The following USP34 variants were observed in gnomAD, a reference collection of about 807,000 sequenced individuals.
USP34 encodes the protein ubiquitin specific peptidase 34, also known as ubiquitin carboxyl-terminal hydrolase 34.
In USP34, 70 loss-of-function variants were observed where a neutral mutation model predicts 460.3. The observed-to-expected ratio is 0.15, with a 90% CI of 0.13 to 0.19. The LOEUF (loss-of-function observed/expected upper bound fraction) is 0.19, where lower values mean the gene tolerates loss of function less well. Ranked by LOEUF, USP34 falls within the 10% of genes least tolerant of loss-of-function variation. The pLI, the probability that USP34 is intolerant of heterozygous loss-of-function variation, is 1.00. For synonymous variants in USP34, 1,647 were observed against 1,405.3 expected (o/e 1.17, Z -3.85); for missense variants, 3,985 against 4,236.2 (o/e 0.94, Z 1.65).
At chr2:61,430,314 G>C (rs922843653) in intron 1 of USP34, among the ~76,000 whole-genome samples, 2 of 152,140 alleles carry the variant, frequency 1.3e-5, no homozygotes, top group African/African-American at 2.4e-5. Flanking sequence ...TGAGGCAGGA[G>C]AATCACTTGA....
At chr2:61,321,465 C>T (rs1004588607) in intron 21 of USP34, among the ~76,000 whole-genome samples, 2 of 152,108 alleles carry the variant, frequency 1.3e-5, no homozygotes, top group East Asian at 1.9e-4. Context: ...AGTAAGACTC[C>T]GTCTCAAAAC....
chr2:61,257,387 A>C, intron 44 of USP34, 37 bp from the exon 45 acceptor site: 1 of 1,513,550 alleles, frequency 6.6e-7, no homozygotes, highest in Non-Finnish European at 8.8e-7. Context: ...AGTGTCAGAT[A>C]AAAATAAGAA....
chr2:61,201,211 G>GTTTTTT (rs59199472), intron 75 of USP34, among the ~76,000 whole-genome samples: 9 of 101,394 alleles, frequency 8.9e-5, no homozygotes, highest in East Asian at 3.0e-4. Flanking sequence ...CTCATAGAAA[G>GTTTTTT]TTTTTTTTTT....
intron 2 of USP34, among the ~76,000 whole-genome samples, chr2:61,420,029 T>A (rs1452420298): frequency 6.6e-6 from 1 of 152,206 alleles, no homozygotes; most frequent in Non-Finnish European, 1.5e-5. Context: ...GTTAAACTAC[T>A]CAGCTAAACT....
At chr2:61,238,143 G>A (rs1264657720) in intron 53 of USP34, among the ~76,000 whole-genome samples, 1 of 151,870 alleles carries the variant, frequency 6.6e-6, no homozygotes, top group East Asian at 1.9e-4. Context: ...TGATCCACCT[G>A]CCTCAGCCTC....
At chr2:61,465,837 C>A (rs1041205532) in intron 1 of USP34, among the ~76,000 whole-genome samples, 3 of 151,838 alleles carry the variant, frequency 2.0e-5, no homozygotes, top group Non-Finnish European at 4.4e-5. Flanking sequence ...ATTAGCCGGG[C>A]GTGGTAGCGG....
intron 69 of USP34, 29 bp downstream of exon 69, chr2:61,211,743 A>G (rs1687278002): frequency 1.3e-6 from 2 of 1,535,872 alleles, no homozygotes; most frequent in Middle Eastern, 1.8e-4. Context: ...CTGGAAATAA[A>G]CAAGACAAAA....
At chr2:61,222,142 T>C (rs1687605731) in intron 65 of USP34, among the ~76,000 whole-genome samples, 1 of 152,274 alleles carries the variant, frequency 6.6e-6, no homozygotes, top group African/African-American at 2.4e-5. Flanking sequence ...AACTGTGTTC[T>C]ATTGAAAAAT....
chr2:61,461,780 A>G (rs1695607701), intron 1 of USP34, among the ~76,000 whole-genome samples: 1 of 152,242 alleles, frequency 6.6e-6, no homozygotes, highest in African/African-American at 2.4e-5. Context: ...ATAATGAAAA[A>G]TGTTTATATT....
chr2:61,447,143 T>C (rs1327925986), intron 1 of USP34, among the ~76,000 whole-genome samples: 1 of 151,198 alleles, frequency 6.6e-6, no homozygotes, highest in Admixed American at 6.6e-5. Flanking sequence ...CAGTCTCAGC[T>C]ACTCGGGAGG....
chr2:61,317,502 G>A (rs865774199), intron 23 of USP34, 152 bp downstream of exon 23: 2 of 613,234 alleles, frequency 3.3e-6, no homozygotes, highest in Non-Finnish European at 5.6e-6. Flanking sequence ...ACTACAGCCT[G>A]AGCAACAGAG....
intron 5 of USP34, among the ~76,000 whole-genome samples, chr2:61,391,148 T>C (rs1290263599): frequency 6.7e-6 from 1 of 149,162 alleles, no homozygotes; most frequent in Admixed American, 6.7e-5. Flanking sequence ...CTTGCCTCAG[T>C]AAGAGTGAGG....
chr2:61,341,440 G>T (rs1280053836), intron 16 of USP34, among the ~76,000 whole-genome samples: 1 of 152,176 alleles, frequency 6.6e-6, no homozygotes, highest in Non-Finnish European at 1.5e-5. Flanking sequence ...TGTTGGAGGT[G>T]AGTCTAGTAG....
chr2:61,236,131 A>G, intron 55 of USP34, 30 bp downstream of exon 55: 1 of 1,593,112 alleles, frequency 6.3e-7, no homozygotes, highest in Non-Finnish European at 8.5e-7. Context: ...AAATTTTGAC[A>G]GAATTATTTA....
intron 33 of USP34, among the ~76,000 whole-genome samples, chr2:61,292,758 C>T (rs908293278): frequency 1.3e-5 from 2 of 152,084 alleles, no homozygotes; most frequent in Non-Finnish European, 2.9e-5. Flanking sequence ...ATGGAATGTC[C>T]TTTACAATGA....
chr2:61,201,242 G>T (rs561982157), intron 75 of USP34, among the ~76,000 whole-genome samples: 83 of 142,760 alleles, frequency 5.8e-4, no homozygotes, highest in African/African-American at 2.1e-3. Context: ...TTTGAGACTG[G>T]GTCTCGCTTA....
chr2:61,386,240 T>TCACTTCAGGC (rs1182164599), intron 5 of USP34, among the ~76,000 whole-genome samples: 3 of 152,020 alleles, frequency 2.0e-5, no homozygotes. Context: ...GATGGAAGGA[T>TCACTTCAGGC]CACTTCAGGC....
chr2:61,197,612 T>C (rs1255438893), intron 75 of USP34, among the ~76,000 whole-genome samples: 3 of 152,220 alleles, frequency 2.0e-5, no homozygotes, highest in African/African-American at 4.8e-5. Flanking sequence ...ACTTTCTCTC[T>C]TTTGAGACAG....
At chr2:61,225,027 T>C (rs1467621645) in intron 62 of USP34, among the ~76,000 whole-genome samples, 1 of 152,162 alleles carries the variant, frequency 6.6e-6, no homozygotes, top group African/African-American at 2.4e-5. Context: ...ATACCCTAGA[T>C]GCCAAGGGTA....
Sources: gnomAD v4.1 joint callset for allele counts (sites outside exome capture counted in the v4.1 genomes callset) on GRCh38, gnomAD v4.1.1 for gene constraint, MANE v1.5 for transcripts, NCBI Gene and HGNC (gene_info 2026-07-23, HGNC 2026-07-21) for gene names.